SAMSN1: variants seen among roughly 807,000 people sequenced by gnomAD.
SAMSN1 encodes SAM domain-containing protein SAMSN-1.
In SAMSN1, 31 loss-of-function variants were observed where a neutral mutation model predicts 42.0. That is an observed-to-expected ratio of 0.74 (90% CI 0.55 to 1.00). The LOEUF (loss-of-function observed/expected upper bound fraction) is 1.00, where lower values mean the gene tolerates loss of function less well. SAMSN1 is among the 50% of genes least tolerant of loss of function. The probability of loss-of-function intolerance (pLI) is 0.00; values close to 1 mark genes in which losing one functional copy is unlikely to be tolerated. For synonymous variants in SAMSN1, 178 were observed against 151.9 expected (o/e 1.17, Z -1.26); for missense variants, 464 against 439.4 (o/e 1.06, Z -0.50).
intron 1 of SAMSN1, among the ~76,000 whole-genome samples, chr21:14,648,530 G>C (rs1983764748): frequency 6.6e-6 from 1 of 151,948 alleles, no homozygotes; most frequent in African/African-American, 2.4e-5. Context: ...TCTGACAAAG[G>C]GCTAATATCC....
At chr21:14,577,054 T>C (rs1436401933) in intron 2 of SAMSN1, among the ~76,000 whole-genome samples, 2 of 120,244 alleles carry the variant, frequency 1.7e-5, no homozygotes, top group Non-Finnish European at 3.4e-5. Flanking sequence ...GTTTCTTTTT[T>C]TTTTTTTTTT....
intron 1 of SAMSN1, among the ~76,000 whole-genome samples, chr21:14,543,278 T>A (rs7280293): frequency 0.53 from 80,956 of 151,850 alleles, 22,021 homozygotes; most frequent in East Asian, 0.79. Flanking sequence ...ACTCTTAATT[T>A]TGAGCTATTC....
chr21:14,556,647 C>A (rs947972868), intron 2 of SAMSN1, among the ~76,000 whole-genome samples: 1 of 152,128 alleles, frequency 6.6e-6, no homozygotes, highest in Non-Finnish European at 1.5e-5. Context: ...CCAACACACA[C>A]AAAGTGAGGT....
At position 14,625,426 on chromosome 21, in the gene SAMSN1, C is replaced by A. The variant is rs376917691; in HGVS notation, c.157-9410G>T. Among the ~76,000 whole-genome samples, 148 of 152,196 alleles carry A rather than the reference C, an allele frequency of 9.7e-4. 1 individual carries two copies. Among genetic ancestry groups the A allele is most frequent in the East Asian group, 2.7e-3 (14 of 5,182 alleles). Reference sequence around the variant, plus strand: ...CCTTAAGCTGATAAGCAACTTCAGCCAAGTCTCAGGATACAAAATCAATGT... The same window carrying A: ...CCTTAAGCTGATAAGCAACTTCAGCAAAGTCTCAGGATACAAAATCAATGT... On this transcript the variant is annotated intron_variant, in intron 2 of 15. Transcript: ENST00000647101.
At chr21:14,534,633 A>G (rs754185809) in intron 1 of SAMSN1, among the ~76,000 whole-genome samples, 62 of 151,714 alleles carry the variant, frequency 4.1e-4, no homozygotes, top group Admixed American at 1.1e-3. Context: ...CTCCTGCCTC[A>G]GCCTCCCAAG....
intron 4 of SAMSN1, chr21:14,612,406 C>A: frequency 2.4e-5 from 5 of 207,270 alleles, no homozygotes; most frequent in East Asian, 1.3e-4. Context: ...AGGTACAAAC[C>A]AAACTGATTG....
Position 14,627,552 on chromosome 21 carries a change from T to C in SAMSN1, c.157-11536A>G, listed in dbSNP as rs1345333148. Among the ~76,000 whole-genome samples, 15 of 152,172 alleles carry C rather than the reference T, an allele frequency of 9.9e-5. 1 individual carries two copies. On this transcript the variant is annotated intron_variant, in intron 2 of 15. Transcript: ENST00000647101. Reference sequence around the variant, plus strand: ...AAACTGATCTAGAATTGAAGGCTGTTAGGAAGACTATTCTCACACATACTT... The same window carrying C: ...AAACTGATCTAGAATTGAAGGCTGTCAGGAAGACTATTCTCACACATACTT...
chr21:14,526,452 ATG>A (rs1370874764), intron 1 of SAMSN1, among the ~76,000 whole-genome samples: 1 of 152,196 alleles, frequency 6.6e-6, no homozygotes, highest in Non-Finnish European at 1.5e-5. Context: ...ACATTTGTGT[ATG>A]TGTGTTTCTA....
At chr21:14,503,861 C>G (rs1008919479) in intron 5 of SAMSN1, among the ~76,000 whole-genome samples, 1 of 152,088 alleles carries the variant, frequency 6.6e-6, no homozygotes, top group Non-Finnish European at 1.5e-5. Context: ...CTTCAGTAAA[C>G]AGGAGACAAT....
intron 2 of SAMSN1, among the ~76,000 whole-genome samples, chr21:14,618,706 G>A (rs1378644963): frequency 4.0e-5 from 6 of 150,422 alleles, no homozygotes; most frequent in Non-Finnish European, 7.4e-5. Context: ...GCGCGCGCAC[G>A]CGCGTGTGTG....
chr21:14,637,561 T>C (rs1183612718), intron 2 of SAMSN1, among the ~76,000 whole-genome samples: 1 of 152,314 alleles, frequency 6.6e-6, no homozygotes, highest in East Asian at 1.9e-4. Flanking sequence ...GGTATCTGTT[T>C]GTCTTCAGGT....
At chr21:14,607,212 C>T (rs1982591262) in intron 5 of SAMSN1, among the ~76,000 whole-genome samples, 1 of 152,170 alleles carries the variant, frequency 6.6e-6, no homozygotes. Flanking sequence ...ACTCCACAGA[C>T]TGCCTATCCT....
At chr21:14,577,191 G>A (rs1238336823) in intron 2 of SAMSN1, among the ~76,000 whole-genome samples, 2 of 128,652 alleles carry the variant, frequency 1.6e-5, no homozygotes, top group Non-Finnish European at 3.2e-5. Flanking sequence ...GAGTAGCTGG[G>A]ATTACAGGTG....
At chr21:14,564,518 A>T (rs1183133212) in intron 2 of SAMSN1, among the ~76,000 whole-genome samples, 1 of 152,204 alleles carries the variant, frequency 6.6e-6, no homozygotes, top group East Asian at 1.9e-4. Context: ...AGTAGTCAAG[A>T]GTTAAACCCA....
chr21:14,589,583 A>G (rs570725670), intron 7 of SAMSN1, among the ~76,000 whole-genome samples: 12 of 152,222 alleles, frequency 7.9e-5, no homozygotes, highest in African/African-American at 2.4e-4. Context: ...ATACCTACAT[A>G]TATTTGCTGG....
At chr21:14,530,316 C>CAAAAAAA (rs71183428) in intron 1 of SAMSN1, among the ~76,000 whole-genome samples, 1 of 75,750 alleles carries the variant, frequency 1.3e-5, no homozygotes, top group Admixed American at 1.5e-4. Flanking sequence ...GACTCCGTCT[C>CAAAAAAA]AAAAAAAAAA....
upstream of SAMSN1, chr21:14,583,709 C>A: frequency 1.4e-6 from 1 of 717,574 alleles, no homozygotes; most frequent in South Asian, 1.5e-5. Context: ...TTTCTTAGTC[C>A]AAACCAGTTT....
At chr21:14,569,416 T>G (rs1981221571) in intron 2 of SAMSN1, among the ~76,000 whole-genome samples, 1 of 152,198 alleles carries the variant, frequency 6.6e-6, no homozygotes, top group Non-Finnish European at 1.5e-5. Flanking sequence ...TTTCCCCATT[T>G]TGCTGTTTTG....
At chr21:14,634,268 G>A (rs180834192) in intron 2 of SAMSN1, among the ~76,000 whole-genome samples, 4 of 152,078 alleles carry the variant, frequency 2.6e-5, no homozygotes, top group Admixed American at 6.5e-5. Context: ...AAGATTTTAC[G>A]ATGAAATCAC....
Sources: gnomAD v4.1 joint callset for allele counts (sites outside exome capture counted in the v4.1 genomes callset) on GRCh38, gnomAD v4.1.1 for gene constraint, MANE v1.5 for transcripts, NCBI Gene and HGNC (gene_info 2026-07-23, HGNC 2026-07-21) for gene names.